ABCB5: variants seen among roughly 807,000 people sequenced by gnomAD.
ABCB5 encodes ATP-binding cassette sub-family B member 5.
ABCB5 carries 155 observed loss-of-function variants against 144.2 expected under a neutral mutation model. That is an observed-to-expected ratio of 1.08 (90% CI 0.94 to 1.23). The LOEUF (loss-of-function observed/expected upper bound fraction) is 1.23. ABCB5 is among the 50% of genes most tolerant of loss of function. ABCB5 has a pLI of 0.00. For missense variants in ABCB5, 1,830 were observed against 1,520.8 expected, an observed-to-expected ratio of 1.20 and a Z score of -3.38; for synonymous variants, 610 against 528.6, an observed-to-expected ratio of 1.15 and a Z score of -2.11.
At chr7:20,713,823 T>A (rs1343006317) in intron 20 of ABCB5, among the ~76,000 whole-genome samples, 1 of 149,574 alleles carries the variant, frequency 6.7e-6, no homozygotes, top group African/African-American at 2.5e-5. Context: ...ATGTATGCAC[T>A]ACTCAGCTGA....
At chr7:20,753,873 G>T (rs976177513) in intron 27 of ABCB5, among the ~76,000 whole-genome samples, 2 of 152,016 alleles carry the variant, frequency 1.3e-5, no homozygotes, top group African/African-American at 4.8e-5. Context: ...ATTAGTATGG[G>T]TAAAAGAGTA....
rs184930142 is a variant in ABCB5, at chr7:20,756,166, G to A, written c.*542G>A. On this transcript the variant is annotated 3_prime_UTR_variant, in exon 28 of 28. Transcript: ENST00000404938. ...CTAAATTTTATTCTATTTTTTTGTT[G>A]AGCAGGGAATAGAAAGGATTACGAT... is the stretch of plus-strand genomic sequence containing the variant. The A allele has an allele frequency of 2.0e-5, 3 of 152,806 alleles. No individual in the cohort carries two copies. Among genetic ancestry groups the A allele is most frequent in the Admixed American group, 6.5e-5 (1 of 15,346 alleles). The allele number at this position is 152,806 out of a possible 1,614,324, so 9.5% of individuals were successfully genotyped here.
At chr7:20,730,136 C>A (rs1782161497) in intron 23 of ABCB5, among the ~76,000 whole-genome samples, 1 of 152,196 alleles carries the variant, frequency 6.6e-6, no homozygotes, top group African/African-American at 2.4e-5. Flanking sequence ...TCTTACCTGA[C>A]ACCAAAGCCA....
At chr7:20,750,347 A>ACACGGAGCAG (rs1434681274) in intron 26 of ABCB5, among the ~76,000 whole-genome samples, 2 of 151,986 alleles carry the variant, frequency 1.3e-5, no homozygotes, top group Admixed American at 6.6e-5. Context: ...ATGGAATAAA[A>ACACGGAGCAG]CACGGAGCAG....
chr7:20,660,295 G>A, intron 14 of ABCB5: 2 of 985,046 alleles, frequency 2.0e-6, no homozygotes, highest in Non-Finnish European at 2.4e-6. Flanking sequence ...ACAGCTATGT[G>A]GCATAATTAT....
intron 14 of ABCB5, among the ~76,000 whole-genome samples, chr7:20,678,766 G>T (rs1785691524): frequency 6.6e-6 from 1 of 152,142 alleles, no homozygotes; most frequent in African/African-American, 2.4e-5. Flanking sequence ...GCATAGCATT[G>T]GTGCAGTGAC....
chr7:20,660,471 A>G (rs773411758), intron 14 of ABCB5: 68 of 901,350 alleles, frequency 7.5e-5, no homozygotes, highest in Non-Finnish European at 8.9e-5. Flanking sequence ...AGCACAGTAA[A>G]CTAGATTAAT....
intron 20 of ABCB5, among the ~76,000 whole-genome samples, chr7:20,710,584 T>C (rs964874840): frequency 6.7e-6 from 1 of 149,690 alleles, no homozygotes; most frequent in African/African-American, 2.5e-5. Context: ...ATCTATAGTT[T>C]GTCAACCCAC....
chr7:20,643,190 C>G lies in ABCB5; in HGVS notation c.321C>G (p.Thr107=). 1 of 1,607,862 alleles carries G rather than the reference C, an allele frequency of 6.2e-7. No individual in the cohort carries two copies. The highest frequency in any genetic ancestry group is 8.5e-7 in the Non-Finnish European group (1 of 1,175,720). Residue 107 remains threonine, a synonymous_variant, in exon 6 of 28, where the codon ACC becomes ACG. Coordinates refer to ENST00000404938, the MANE Select transcript of ABCB5 (RefSeq NM_001163941.2). ...TCTAATACTCTTTCTTCAGGTTGAC[C>G]CTGTATTATGTTGGAATAGGTGTTG... is the stretch of plus-strand genomic sequence containing the variant. ...EKLNEDMTLL[T]LYYVGIGVAA...
At chr7:20,685,656 G>A (rs766914538) in intron 15 of ABCB5, 40 bp from the exon 16 acceptor site, 29 of 1,521,868 alleles carry the variant, frequency 1.9e-5, no homozygotes, top group Middle Eastern at 1.8e-4. Flanking sequence ...GAATTTTTAA[G>A]GCATTCTTAT....
chr7:20,680,839 T>C (rs1785769077), intron 14 of ABCB5, among the ~76,000 whole-genome samples: 1 of 152,290 alleles, frequency 6.6e-6, no homozygotes, highest in African/African-American at 2.4e-5. Flanking sequence ...TGACTTTCTT[T>C]TTATTCTAAT....
intron 13 of ABCB5, among the ~76,000 whole-genome samples, chr7:20,654,175 C>T (rs1210481375): frequency 6.7e-6 from 1 of 150,200 alleles, no homozygotes; most frequent in Non-Finnish European, 1.5e-5. Context: ...CAAAAATCAG[C>T]ACTGTTTTTT....
At chr7:20,679,511 A>C (rs1785723571) in intron 14 of ABCB5, among the ~76,000 whole-genome samples, 1 of 151,554 alleles carries the variant, frequency 6.6e-6, no homozygotes, top group Non-Finnish European at 1.5e-5. Context: ...AAGAGAGTGA[A>C]AAGACAATCA....
chr7:20,665,047 G>A (rs367579679), intron 14 of ABCB5, among the ~76,000 whole-genome samples: 38 of 152,298 alleles, frequency 2.5e-4, no homozygotes, highest in African/African-American at 7.9e-4. Flanking sequence ...AAGTGACAAT[G>A]AAGAGATTCC....
intron 13 of ABCB5, among the ~76,000 whole-genome samples, chr7:20,654,444 C>G (rs961748727): frequency 2.1e-5 from 3 of 143,210 alleles, no homozygotes; most frequent in Non-Finnish European, 4.5e-5. Flanking sequence ...CTTGATAGAA[C>G]AAGCAGGTGG....
At chr7:20,721,497 T>A (rs538309624) in intron 20 of ABCB5, among the ~76,000 whole-genome samples, 6 of 152,310 alleles carry the variant, frequency 3.9e-5, no homozygotes, top group African/African-American at 2.4e-5. Flanking sequence ...TACTATTTAT[T>A]TTTGACCTTT....
chr7:20,616,940 T>A (rs1265086591), intron 1 of ABCB5, among the ~76,000 whole-genome samples: 1 of 152,222 alleles, frequency 6.6e-6, no homozygotes, highest in African/African-American at 2.4e-5. Context: ...CCTGGGATAG[T>A]CTTTTTGATC....
At chr7:20,625,184 G>C (rs980697363) in intron 2 of ABCB5, among the ~76,000 whole-genome samples, 2 of 152,166 alleles carry the variant, frequency 1.3e-5, no homozygotes, top group Non-Finnish European at 2.9e-5. Context: ...CCTCAGCCCA[G>C]AGCAAATTGA....
At position 20,660,541 on chromosome 7, in the gene ABCB5, G is replaced by A; in HGVS notation, c.1707+1865G>A. The stretch of plus-strand genomic sequence containing the variant: ...GGAGAAGGGGAGAGTTCAAATACAG[G>A]CAGGGTGATGGAAGCTGTAGCACCA... On this transcript the variant is annotated intron_variant, in intron 14 of 27. Transcript: ENST00000404938. The A allele has an allele frequency of 1.1e-5, 5 of 452,958 alleles. 1 individual carries two copies. Among genetic ancestry groups the A allele is most frequent in the Non-Finnish European group, 1.5e-5 (5 of 343,804 alleles). 28.1% of individuals were successfully genotyped at this position (452,958 alleles called of 1,614,324 possible). A position where few individuals can be genotyped will look rare whatever the true frequency, so the allele number is the denominator to read the frequency against.
Sources: allele counts gnomAD v4.1 joint callset (sites outside exome capture counted in the v4.1 genomes callset), GRCh38; gene constraint gnomAD v4.1.1; transcripts MANE v1.5; gene names NCBI Gene and HGNC (gene_info 2026-07-23, HGNC 2026-07-21).